CACHD1: variants seen among roughly 807,000 people sequenced by gnomAD.
CACHD1 encodes VWFA and cache domain-containing protein 1.
In CACHD1, 71 loss-of-function variants were observed where a neutral mutation model predicts 138.7. That is an observed-to-expected ratio of 0.51 (90% CI 0.42 to 0.62). The LOEUF (loss-of-function observed/expected upper bound fraction) is 0.62. Among genes scored for constraint, CACHD1 ranks in the 20% least tolerant of loss-of-function variants. The probability of loss-of-function intolerance (pLI) is 0.00; values close to 1 mark genes in which losing one functional copy is unlikely to be tolerated. For missense variants in CACHD1, 1,389 were observed against 1,625.3 expected, an observed-to-expected ratio of 0.85 and a Z score of 2.50; for synonymous variants, 578 against 591.5, an observed-to-expected ratio of 0.98 and a Z score of 0.33.
chr1:64,588,358 T>C (rs931161026), intron 3 of CACHD1, among the ~76,000 whole-genome samples: 2 of 152,164 alleles, frequency 1.3e-5, no homozygotes, highest in Admixed American at 6.5e-5. Flanking sequence ...TGTGTGCTTC[T>C]AAAGCTATTG....
intron 1 of CACHD1, among the ~76,000 whole-genome samples, chr1:64,482,986 C>T (rs934122200): frequency 1.3e-5 from 2 of 152,268 alleles, no homozygotes; most frequent in Admixed American, 1.3e-4. Flanking sequence ...TGCCCAGCAG[C>T]CCTTAAATGG....
intron 13 of CACHD1, among the ~76,000 whole-genome samples, 176 bp from the exon 14 acceptor site, chr1:64,663,519 C>G (rs1649516751): frequency 6.7e-6 from 1 of 149,594 alleles, no homozygotes; most frequent in African/African-American, 2.5e-5. Context: ...CCACTTCACA[C>G]CAGCCTGGGC....
chr1:64,511,256 G>A (rs1361505979), intron 1 of CACHD1, among the ~76,000 whole-genome samples: 2 of 152,148 alleles, frequency 1.3e-5, no homozygotes, highest in African/African-American at 4.8e-5. Context: ...TTTTATAGAT[G>A]AGGAAATCCT....
chr1:64,548,124 G>A (rs975911590), intron 1 of CACHD1, among the ~76,000 whole-genome samples: 3 of 152,250 alleles, frequency 2.0e-5, no homozygotes, highest in South Asian at 2.1e-4. Context: ...ACCCTTCCGG[G>A]CATATATTCT....
intron 1 of CACHD1, among the ~76,000 whole-genome samples, chr1:64,505,691 C>A (rs1646368681): frequency 6.9e-6 from 1 of 145,586 alleles, no homozygotes; most frequent in Non-Finnish European, 1.5e-5. Context: ...CCCATCCACG[C>A]CCGACCATCC....
intron 4 of CACHD1, among the ~76,000 whole-genome samples, chr1:64,624,214 G>A (rs1648020035): frequency 6.6e-6 from 1 of 152,212 alleles, no homozygotes; most frequent in African/African-American, 2.4e-5. Flanking sequence ...TCCTCAGCAG[G>A]AGAATTGGAG....
chr1:64,549,634 G>A (rs547900451), intron 1 of CACHD1, among the ~76,000 whole-genome samples: 17 of 152,190 alleles, frequency 1.1e-4, no homozygotes, highest in South Asian at 4.1e-4. Flanking sequence ...GTGTTAGGCC[G>A]TCTGGGAAGC....
In CACHD1 at chr1:64,501,226, A is replaced by G. The variant is rs140261627; in HGVS notation, c.198+30284A>G. Among the ~76,000 whole-genome samples the G allele has an allele frequency of 1.2e-3, 176 of 152,306 alleles. 1 individual carries two copies. The highest frequency in any genetic ancestry group is 4.1e-3 in the African/African-American group (172 of 41,560). ...AGAAATTAAGAGGAAAGTGCAATGA[A>G]CTTACTACCATTATATTTTCTAGGA... On this transcript the variant is annotated intron_variant, in intron 1 of 26. Coordinates refer to ENST00000651257, the MANE Select transcript of CACHD1 (RefSeq NM_020925.4).
At chr1:64,543,435 G>A (rs1409722094) in intron 1 of CACHD1, among the ~76,000 whole-genome samples, 1 of 115,844 alleles carries the variant, frequency 8.6e-6, no homozygotes, top group African/African-American at 4.2e-5. Context: ...ATTTAAATTA[G>A]CCAGCAGTGG....
At chr1:64,474,586 C>G (rs916572138) in intron 1 of CACHD1, among the ~76,000 whole-genome samples, 3 of 152,238 alleles carry the variant, frequency 2.0e-5, no homozygotes, top group Non-Finnish European at 4.4e-5. Context: ...GCATGGAGCT[C>G]TATGCTGGGT....
intron 4 of CACHD1, among the ~76,000 whole-genome samples, chr1:64,628,246 T>C (rs1648181532): frequency 6.6e-6 from 1 of 152,250 alleles, no homozygotes; most frequent in South Asian, 2.1e-4. Context: ...ATACACCTCA[T>C]GCATTCCTTC....
chr1:64,688,774 C>T (rs190662668), intron 26 of CACHD1, among the ~76,000 whole-genome samples: 1 of 152,056 alleles, frequency 6.6e-6, no homozygotes. Context: ...CCGCCCCAAC[C>T]CCCAGCACCA....
rs147990545 is a variant in CACHD1, at chr1:64,662,572, T to A, written c.1952-1123T>A. On this transcript the variant is annotated intron_variant, in intron 13 of 26. Coordinates refer to ENST00000651257, the MANE Select transcript of CACHD1 (RefSeq NM_020925.4). ...CTACCAGGAGACAAGACATGACGTG[T>A]GAGAACTAACAAAAGGAGTAGAAGA... 5.4e-3 allele frequency among the ~76,000 whole-genome samples: 819 copies of A among 152,284 alleles called. 4 individuals are homozygous for A. The highest frequency in any genetic ancestry group is 0.019 in the African/African-American group (798 of 41,550).
chr1:64,657,550 A>G (rs1649307140), intron 12 of CACHD1, among the ~76,000 whole-genome samples: 1 of 152,174 alleles, frequency 6.6e-6, no homozygotes, highest in Admixed American at 6.5e-5. Context: ...CACCTTGTCA[A>G]TTTATAATTT....
At chr1:64,687,868 C>T (rs1650416967) in intron 26 of CACHD1, among the ~76,000 whole-genome samples, 1 of 151,996 alleles carries the variant, frequency 6.6e-6, no homozygotes, top group South Asian at 2.1e-4. Flanking sequence ...CAAAGATAAA[C>T]AGGAACTTAC....
chr1:64,593,408 A>C (rs1000002556), intron 3 of CACHD1, among the ~76,000 whole-genome samples: 1 of 152,190 alleles, frequency 6.6e-6, no homozygotes. Context: ...CCTTATATAC[A>C]TCTTATTTCT....
intron 19 of CACHD1, 147 bp from the exon 20 acceptor site, chr1:64,675,254 T>C (rs1272641171): frequency 1.8e-6 from 1 of 553,146 alleles, no homozygotes; most frequent in Non-Finnish European, 3.1e-6. Context: ...TAACAGTGAC[T>C]ATATATTTTT....
chr1:64,634,214 A>G lies in CACHD1; in HGVS notation c.960A>G (p.Ala320=), dbSNP rs771427370. 6.2e-7 allele frequency: 1 copy of G among 1,613,966 alleles called. No individual in the cohort carries two copies. Among genetic ancestry groups the G allele is most frequent in the Non-Finnish European group, 8.5e-7 (1 of 1,179,966 alleles). ...PTQHAVGFQK[A]FQLIRSTNNN... ...AGCACGCAGTGGGATTCCAAAAGGC[A>G]TTTCAGCTGATTCGAAGTACAAACA... Residue 320 remains alanine (A), a synonymous_variant, in exon 7 of 27, where the codon GCA becomes GCG. Coordinates refer to ENST00000651257, the MANE Select transcript of CACHD1 (RefSeq NM_020925.4).
chr1:64,597,507 G>C (rs1647163506), intron 3 of CACHD1, among the ~76,000 whole-genome samples: 1 of 143,836 alleles, frequency 7.0e-6, no homozygotes, highest in Admixed American at 7.1e-5. Context: ...AATCCAGAAG[G>C]AAGTTTTTTT....
Sources: gnomAD v4.1 joint callset for allele counts (sites outside exome capture counted in the v4.1 genomes callset) on GRCh38, gnomAD v4.1.1 for gene constraint, MANE v1.5 for transcripts, NCBI Gene and HGNC (gene_info 2026-07-23, HGNC 2026-07-21) for gene names.